TTBK2: variants seen among roughly 807,000 people sequenced by gnomAD.
TTBK2 encodes the protein tau tubulin kinase 2.
Under a neutral mutation model 110.8 loss-of-function variants are expected in TTBK2, and 28 were observed. The observed-to-expected ratio is 0.25, with a 90% CI of 0.19 to 0.35. The LOEUF is 0.35. Among genes scored for constraint, TTBK2 ranks in the 10% least tolerant of loss-of-function variants. The pLI is 1.00. For synonymous variants in TTBK2, 532 were observed against 527.3 expected, an observed-to-expected ratio of 1.01 and a Z score of -0.12; for missense variants, 1,369 against 1,500.3, an observed-to-expected ratio of 0.91 and a Z score of 1.45.
rs181464499 is a variant in TTBK2, at chr15:42,745,126, C to T, written c.*669G>A. 6.6e-6 allele frequency: 1 copy of T among 152,316 alleles called. No individual in the cohort carries two copies. Among genetic ancestry groups the T allele is most frequent in the East Asian group, 2.0e-4 (1 of 5,126 alleles). 9.4% of individuals were successfully genotyped at this position (152,316 alleles called of 1,614,324 possible). A position where few individuals can be genotyped will look rare whatever the true frequency, so the allele number is the denominator to read the frequency against. On this transcript the variant is annotated 3_prime_UTR_variant, in exon 15 of 15. Transcript: ENST00000267890. ...CTCTAAAAAAAAAAAATCAGGGGGA[C>T]CTAAAAAAAAGTAATTGGATTTGAT...
chr15:42,745,293 C>A lies in TTBK2; in HGVS notation c.*502G>T. 1 of 176,862 alleles carries A rather than the reference C, an allele frequency of 5.7e-6. No homozygotes were observed. Among genetic ancestry groups the A allele is most frequent in the Non-Finnish European group, 1.2e-5 (1 of 82,158 alleles). The allele number at this position is 176,862 out of a possible 1,614,324, so 11.0% of individuals were successfully genotyped here. ...GTTCATTCTCAATACACGAAATAAA[C>A]ACACAAGCCAAATATACATGAATAC... On this transcript the variant is annotated 3_prime_UTR_variant, in exon 15 of 15. Coordinates refer to ENST00000267890, the MANE Select transcript of TTBK2 (RefSeq NM_173500.4).
chr15:42,799,263 G>C (rs1328688802), intron 9 of TTBK2, among the ~76,000 whole-genome samples: 1 of 151,988 alleles, frequency 6.6e-6, no homozygotes, highest in South Asian at 2.1e-4. Context: ...CCAGCTACTC[G>C]GGAGGCTGAG....
intron 3 of TTBK2, among the ~76,000 whole-genome samples, chr15:42,853,875 C>T (rs534590095): frequency 1.3e-4 from 20 of 150,106 alleles, no homozygotes; most frequent in South Asian, 8.4e-4. Context: ...TTGAAGGCTC[C>T]GTCTCAAAAA....
At chr15:42,864,731 G>T (rs765653865) in intron 3 of TTBK2, among the ~76,000 whole-genome samples, 1 of 152,096 alleles carries the variant, frequency 6.6e-6, no homozygotes, top group Non-Finnish European at 1.5e-5. Context: ...TCTCTTACAA[G>T]ACATGTTAAA....
chr15:42,908,944 C>T (rs981968262), intron 1 of TTBK2, among the ~76,000 whole-genome samples: 1 of 152,174 alleles, frequency 6.6e-6, no homozygotes, highest in Non-Finnish European at 1.5e-5. Context: ...CAGCTTCTTA[C>T]TGTTGCTGTA....
intron 9 of TTBK2, among the ~76,000 whole-genome samples, chr15:42,810,397 C>T (rs1008154677): frequency 1.4e-4 from 21 of 152,090 alleles, no homozygotes; most frequent in Non-Finnish European, 2.5e-4. Context: ...ACCTAAAACT[C>T]GAATGAAGTT....
intron 10 of TTBK2, among the ~76,000 whole-genome samples, chr15:42,784,418 C>CA (rs1290684677): frequency 6.6e-6 from 1 of 151,990 alleles, no homozygotes; most frequent in African/African-American, 2.4e-5. Context: ...GCTGGGATTA[C>CA]AGGCGCCCAC....
intron 1 of TTBK2, among the ~76,000 whole-genome samples, chr15:42,915,295 G>C (rs1448751858): frequency 6.6e-6 from 1 of 152,220 alleles, no homozygotes; most frequent in Non-Finnish European, 1.5e-5. Flanking sequence ...TGTGCTGTTT[G>C]TCACTTAGTA....
intron 3 of TTBK2, among the ~76,000 whole-genome samples, chr15:42,857,912 G>C (rs1359390331): frequency 1.3e-5 from 2 of 151,864 alleles, no homozygotes; most frequent in Non-Finnish European, 2.9e-5. Context: ...GTGAAACTCT[G>C]TCTCTACTAA....
intron 4 of TTBK2, 59 bp downstream of exon 4, chr15:42,840,301 T>C (rs1176905398): frequency 2.2e-6 from 3 of 1,386,176 alleles, no homozygotes; most frequent in Admixed American, 3.3e-5. Context: ...ATATTCACTG[T>C]AATTGTATAC....
intron 13 of TTBK2, among the ~76,000 whole-genome samples, chr15:42,753,454 T>C (rs1362131718): frequency 7.2e-5 from 11 of 152,160 alleles, no homozygotes; most frequent in Non-Finnish European, 1.5e-5. Flanking sequence ...CAGAACAGTC[T>C]CTCCCTGTAG....
At chr15:42,872,840 AATGT>A in intron 2 of TTBK2, 82 bp from the exon 3 acceptor site, 2 of 1,489,746 alleles carry the variant, frequency 1.3e-6, no homozygotes, top group Admixed American at 3.9e-5. Context: ...ATATTTAGAA[AATGT>A]ATAATTTTAT....
chr15:42,742,995 A>G lies in TTBK2; in HGVS notation c.*2800T>C, dbSNP rs1595869352. 6.6e-6 allele frequency: 1 copy of G among 152,192 alleles called. No individual in the cohort carries two copies. The highest frequency in any genetic ancestry group is 1.9e-4 in the East Asian group (1 of 5,202). The allele number at this position is 152,192 out of a possible 1,614,324, so 9.4% of individuals were successfully genotyped here. On this transcript the variant is annotated 3_prime_UTR_variant, in exon 15 of 15. Transcript: ENST00000267890. ...CACAGGTGCTTGCTCAGGGCTGCCA[A>G]CTTCTATTTTTCACCTGAGAGACAT...
intron 1 of TTBK2, among the ~76,000 whole-genome samples, chr15:42,890,682 A>C (rs1895419480): frequency 6.6e-6 from 1 of 152,088 alleles, no homozygotes; most frequent in African/African-American, 2.4e-5. Flanking sequence ...TTCCTAAGTG[A>C]TATGAATGCC....
chr15:42,830,564 T>A (rs920514925), intron 4 of TTBK2, among the ~76,000 whole-genome samples: 5 of 152,098 alleles, frequency 3.3e-5, no homozygotes, highest in Admixed American at 3.3e-4. Context: ...TCAGACAAGT[T>A]TTAGAAAAAC....
At chr15:42,872,044 A>G (rs1894635221) in intron 3 of TTBK2, among the ~76,000 whole-genome samples, 1 of 152,136 alleles carries the variant, frequency 6.6e-6, no homozygotes. Context: ...TTCATGTCAG[A>G]AAAAAAATTA....
chr15:42,764,149 C>T (rs1022636707), intron 13 of TTBK2, among the ~76,000 whole-genome samples: 4 of 152,100 alleles, frequency 2.6e-5, no homozygotes, highest in African/African-American at 9.7e-5. Context: ...CCAAGATGGC[C>T]GAATAGGAAC....
At chr15:42,760,467 C>T (rs1425171693) in intron 13 of TTBK2, among the ~76,000 whole-genome samples, 1 of 151,174 alleles carries the variant, frequency 6.6e-6, no homozygotes, top group African/African-American at 2.4e-5. Flanking sequence ...CAGACTAGAC[C>T]AGGCAGAATT....
At chr15:42,919,493 A>G (rs1013560791) in intron 1 of TTBK2, among the ~76,000 whole-genome samples, 1 of 152,228 alleles carries the variant, frequency 6.6e-6, no homozygotes, top group South Asian at 2.1e-4. Context: ...AAACATTGTT[A>G]ACAAAACACA....
Sources: gnomAD v4.1 joint callset for allele counts (sites outside exome capture counted in the v4.1 genomes callset) on GRCh38, gnomAD v4.1.1 for gene constraint, MANE v1.5 for transcripts, NCBI Gene and HGNC (gene_info 2026-07-23, HGNC 2026-07-21) for gene names.